The following CES1 variants were observed in gnomAD, a reference collection of about 807,000 sequenced individuals.
The protein encoded by CES1 is liver carboxylesterase 1.
A neutral mutation model predicts 53.0 loss-of-function variants in CES1; 50 were observed. The observed-to-expected ratio is 0.94, with a 90% CI of 0.75 to 1.19. The LOEUF (loss-of-function observed/expected upper bound fraction) is 1.19. CES1 is among the 50% of genes most tolerant of loss of function. The pLI, the probability that CES1 is intolerant of heterozygous loss-of-function variation, is 0.00. For missense variants in CES1, 534 were observed against 538.0 expected (o/e 0.99, Z 0.07); for synonymous variants, 202 against 210.1 (o/e 0.96, Z 0.33).
chr16:55,812,839 G>A lies in CES1; in HGVS notation c.1086+64C>T. ...CAGCTCGGAGAGGGAAGCATTCCTG[G>A]GACCAGAGACAGGAGGGCTGATGGG... On this transcript the variant is annotated intron_variant, in intron 9 of 13. Coordinates refer to ENST00000360526, the MANE Select transcript of CES1 (RefSeq NM_001025195.2). The A allele has an allele frequency of 3.7e-6, 6 of 1,607,236 alleles. No homozygotes were observed. In the Admixed American group the frequency reaches 5.0e-5, roughly 13 times the overall value.
intron 4 of CES1, 27 bp downstream of exon 4, chr16:55,823,523 T>A: frequency 6.2e-7 from 1 of 1,610,270 alleles, no homozygotes; most frequent in Non-Finnish European, 8.5e-7. Flanking sequence ...GGGGCCAAAG[T>A]GCAGTGAGGA....
intron 7 of CES1, among the ~76,000 whole-genome samples, chr16:55,819,235 T>TC (rs2032071660): frequency 1.3e-5 from 2 of 152,338 alleles, no homozygotes; most frequent in South Asian, 4.1e-4. Context: ...GATGATGGTG[T>TC]CCCCTGGGAA....
chr16:55,813,427 C>T (rs1195694525), intron 8 of CES1, among the ~76,000 whole-genome samples: 1 of 152,110 alleles, frequency 6.6e-6, no homozygotes, highest in East Asian at 1.9e-4. Flanking sequence ...TTAGAGAATA[C>T]AGGGTCATCA....
intron 4 of CES1, among the ~76,000 whole-genome samples, chr16:55,822,327 G>C (rs1305031663): frequency 6.6e-6 from 1 of 152,254 alleles, no homozygotes; most frequent in African/African-American, 2.4e-5. Context: ...GACAGACAGA[G>C]AGCTTTGGCT....
intron 5 of CES1, among the ~76,000 whole-genome samples, 200 bp downstream of exon 5, chr16:55,821,168 A>G (rs1210748077): frequency 6.6e-6 from 1 of 152,068 alleles, no homozygotes. Context: ...CCAGGACACT[A>G]AGCTGAGCTC....
chr16:55,828,161 A>C, intron 2 of CES1: 1 of 177,338 alleles, frequency 5.6e-6, no homozygotes, highest in South Asian at 1.2e-4. Context: ...TACCCTGGGG[A>C]GTGATGGTGA....
intron 8 of CES1, among the ~76,000 whole-genome samples, chr16:55,815,589 C>G (rs1295112794): frequency 5.3e-5 from 8 of 152,280 alleles, no homozygotes; most frequent in Admixed American, 3.3e-4. Context: ...CACTCCTCCC[C>G]GTTTCTTACC....
rs149595647 is a variant in CES1 at position 55,818,347 on chromosome 16, A to G, written c.906+1188T>C. Among the ~76,000 whole-genome samples, 11 of 152,288 alleles carry G rather than the reference A, an allele frequency of 7.2e-5. No individual in the cohort carries two copies. In the East Asian group the frequency reaches 1.5e-3, roughly 21 times the overall value. On this transcript the variant is annotated intron_variant, in intron 7 of 13. Transcript: ENST00000360526. The stretch of plus-strand genomic sequence containing the variant: ...GCAGGGAAGGCAGAAGATACTCTAG[A>G]CCCGCAGGTGTCGGTTCTGGGTCCT...
chr16:55,820,335 G>A (rs2032119597), intron 6 of CES1, 37 bp downstream of exon 6: 1 of 1,287,512 alleles, frequency 7.8e-7, no homozygotes, highest in African/African-American at 1.5e-5. Flanking sequence ...AAGGAGGTGG[G>A]GGTGTCCAGC....
chr16:55,826,362 C>T (rs778700295), intron 2 of CES1, 67 bp from the exon 3 acceptor site: 51 of 1,580,544 alleles, frequency 3.2e-5, no homozygotes, highest in East Asian at 6.7e-5. Context: ...TCTACGGCAG[C>T]GCCTTGGACT....
chr16:55,811,221 A>AT (rs2031684295), intron 9 of CES1, among the ~76,000 whole-genome samples: 1 of 150,742 alleles, frequency 6.6e-6, no homozygotes, highest in Non-Finnish European at 1.5e-5. Context: ...AAAAAAAAAA[A>AT]ACAAAAAACA....
intron 9 of CES1, 82 bp downstream of exon 9, chr16:55,812,821 G>A: frequency 1.3e-6 from 2 of 1,586,696 alleles, no homozygotes; most frequent in East Asian, 2.2e-5. Context: ...GTGCAGCTCG[G>A]AGAGGGAAGC....
intron 3 of CES1, among the ~76,000 whole-genome samples, chr16:55,824,751 C>T (rs1263438575): frequency 1.3e-5 from 2 of 152,368 alleles, no homozygotes; most frequent in African/African-American, 4.8e-5. Context: ...GCTTAGTGGT[C>T]ACCCTTGACT....
intron 9 of CES1, 42 bp downstream of exon 9, chr16:55,812,861 T>TG: frequency 6.2e-7 from 1 of 1,612,748 alleles, no homozygotes. Flanking sequence ...GGAGGGCTGA[T>TG]GGGGGTGGTT....
chr16:55,814,114 C>T (rs1462142712), intron 8 of CES1, among the ~76,000 whole-genome samples: 1 of 152,160 alleles, frequency 6.6e-6, no homozygotes, highest in African/African-American at 2.4e-5. Flanking sequence ...TGTTATTGAT[C>T]CACGGGTGGC....
chr16:55,831,490 G>C (rs1257614050), intron 1 of CES1, among the ~76,000 whole-genome samples: 1 of 150,900 alleles, frequency 6.6e-6, no homozygotes, highest in Non-Finnish European at 1.5e-5. Context: ...GCACGAACAT[G>C]GTGGGCACCT....
At position 55,824,281 on chromosome 16, in the gene CES1, G is replaced by A. The variant is rs1360321539; in HGVS notation, c.406-598C>T. Among the ~76,000 whole-genome samples, 109 of 151,802 alleles carry A rather than the reference G, an allele frequency of 7.2e-4. No homozygotes were observed. In the South Asian group the frequency reaches 0.024, roughly 34 times the overall value. Reference sequence around the variant, plus strand: ...CTTCAGTCAATGGACTAACACTGTCGAGAACTTAGCATGTGCCAGGGACTC... The same window carrying A: ...CTTCAGTCAATGGACTAACACTGTCAAGAACTTAGCATGTGCCAGGGACTC... On this transcript the variant is annotated intron_variant, in intron 3 of 13. Coordinates refer to ENST00000360526, the MANE Select transcript of CES1 (RefSeq NM_001025195.2).
chr16:55,826,857 A>G (rs2032438500), intron 2 of CES1, among the ~76,000 whole-genome samples: 1 of 152,212 alleles, frequency 6.6e-6, no homozygotes, highest in Non-Finnish European at 1.5e-5. Context: ...AGGATGCAAC[A>G]TAGATGAACA....
intron 11 of CES1, among the ~76,000 whole-genome samples, chr16:55,809,097 A>AAG (rs1164481671): frequency 2.0e-5 from 3 of 148,820 alleles, no homozygotes; most frequent in African/African-American, 7.3e-5. Context: ...TCCTGGCAAA[A>AAG]AAAAAAAAAA....
Sources: allele counts gnomAD v4.1 joint callset (sites outside exome capture counted in the v4.1 genomes callset), GRCh38; gene constraint gnomAD v4.1.1; transcripts MANE v1.5; gene names NCBI Gene and HGNC (gene_info 2026-07-23, HGNC 2026-07-21).